CXCL13: variants seen among roughly 807,000 people sequenced by gnomAD.
CXCL13 encodes the protein C-X-C motif chemokine 13.
CXCL13 carries 7 observed loss-of-function variants against 12.2 expected under a neutral mutation model. That is an observed-to-expected ratio of 0.57 (90% CI 0.33 to 1.07). The LOEUF is 1.07. CXCL13 is among the 50% of genes least tolerant of loss of function. CXCL13 has a pLI of 0.04. For synonymous variants in CXCL13, 47 were observed against 42.4 expected, an observed-to-expected ratio of 1.11 and a Z score of -0.42; for missense variants, 113 against 127.4, an observed-to-expected ratio of 0.89 and a Z score of 0.55.
chr4:77,536,076 A>G (rs141424213), intron 1 of CXCL13, among the ~76,000 whole-genome samples: 707 of 152,198 alleles, frequency 4.6e-3, no homozygotes, highest in African/African-American at 0.016. Context: ...GGTGCTCCCC[A>G]TTGGCCAAAC....
upstream of CXCL13, among the ~76,000 whole-genome samples, chr4:77,602,931 C>G (rs1726911316): frequency 6.6e-6 from 1 of 152,148 alleles, no homozygotes; most frequent in Admixed American, 6.5e-5. Context: ...ACCTCCAGCC[C>G]CATCTTAGGG....
chr4:77,603,170 C>T (rs1434372072), upstream of CXCL13, among the ~76,000 whole-genome samples: 1 of 152,056 alleles, frequency 6.6e-6, no homozygotes, highest in African/African-American at 2.4e-5. Flanking sequence ...CATTTTTTTG[C>T]TCTCACAAGA....
intron 1 of CXCL13, among the ~76,000 whole-genome samples, chr4:77,537,035 AC>A (rs1282816242): frequency 6.6e-6 from 1 of 152,220 alleles, no homozygotes; most frequent in African/African-American, 2.4e-5. Flanking sequence ...GGTTCTATAA[AC>A]AACCTCTAGA....
At chr4:77,533,137 G>C (rs943422442) in intron 1 of CXCL13, among the ~76,000 whole-genome samples, 1 of 152,156 alleles carries the variant, frequency 6.6e-6, no homozygotes, top group Non-Finnish European at 1.5e-5. Flanking sequence ...CAGTTTTTCT[G>C]CTCTGTTTTT....
chr4:77,525,067 A>T (rs868500516), intron 1 of CXCL13, among the ~76,000 whole-genome samples: 2 of 152,192 alleles, frequency 1.3e-5, no homozygotes, highest in Non-Finnish European at 1.5e-5. Context: ...GGAGTGGGTC[A>T]GTTATCTCTA....
At chr4:77,568,304 G>A (rs1487701371) in intron 1 of CXCL13, among the ~76,000 whole-genome samples, 1 of 152,136 alleles carries the variant, frequency 6.6e-6, no homozygotes, top group Non-Finnish European at 1.5e-5. Flanking sequence ...GAGACTTCTA[G>A]CTTGATAGCC....
intron 1 of CXCL13, among the ~76,000 whole-genome samples, chr4:77,534,868 C>T (rs919960893): frequency 2.2e-4 from 34 of 152,216 alleles, no homozygotes; most frequent in Admixed American, 2.6e-4. Context: ...ATTTGTGGAA[C>T]CTTTGTTTTG....
chr4:77,568,652 C>A (rs1012265060), intron 1 of CXCL13, among the ~76,000 whole-genome samples: 1 of 152,084 alleles, frequency 6.6e-6, no homozygotes, highest in Non-Finnish European at 1.5e-5. Flanking sequence ...GTTGGCCACC[C>A]TGGAGATGCT....
intron 1 of CXCL13, among the ~76,000 whole-genome samples, chr4:77,528,333 G>A (rs566372618): frequency 6.6e-6 from 1 of 152,250 alleles, no homozygotes; most frequent in East Asian, 1.9e-4. Flanking sequence ...TCTAGTTCTA[G>A]ATCCCTGAGG....
At position 77,610,711 on chromosome 4, in the gene CXCL13, A is replaced by G. The variant is rs1237454235; in HGVS notation, c.278+17A>G. ...ATTGAGAAAGTAAGTTAGGCATAAC[A>G]AGGGGTTTCAGATTCCAACTTGTAC... On this transcript the variant is annotated intron_variant, in intron 3 of 3. Coordinates refer to ENST00000682537, the MANE Select transcript of CXCL13 (RefSeq NM_001371558.1). 1 of 1,585,700 alleles carries G rather than the reference A, an allele frequency of 6.3e-7. No homozygotes were observed. Among genetic ancestry groups the G allele is most frequent in the Non-Finnish European group, 8.7e-7 (1 of 1,154,092 alleles).
chr4:77,547,767 C>G (rs764465022), intron 1 of CXCL13, among the ~76,000 whole-genome samples: 12 of 152,118 alleles, frequency 7.9e-5, no homozygotes, highest in South Asian at 2.1e-4. Context: ...GAATTTGACC[C>G]TGTCATTATG....
At chr4:77,520,409 T>G (rs1441271295) in intron 1 of CXCL13, among the ~76,000 whole-genome samples, 1 of 152,176 alleles carries the variant, frequency 6.6e-6, no homozygotes. Context: ...GGTTTGTAGT[T>G]CTCCTTGAAG....
At chr4:77,526,667 G>A (rs777085686) in intron 1 of CXCL13, among the ~76,000 whole-genome samples, 8 of 152,138 alleles carry the variant, frequency 5.3e-5, no homozygotes, top group African/African-American at 1.9e-4. Flanking sequence ...GCCTCATGGA[G>A]CTTCCACACT....
At chr4:77,529,584 A>T (rs978605508) in intron 1 of CXCL13, among the ~76,000 whole-genome samples, 4 of 151,786 alleles carry the variant, frequency 2.6e-5, no homozygotes, top group African/African-American at 9.7e-5. Context: ...TCTGTCTGTT[A>T]TTGGTGTATA....
At chr4:77,582,560 G>A (rs1040858190) in intron 1 of CXCL13, among the ~76,000 whole-genome samples, 20 of 152,168 alleles carry the variant, frequency 1.3e-4, no homozygotes, top group African/African-American at 4.3e-4. Flanking sequence ...CGTGGGGGAA[G>A]CTTGACGTAG....
chr4:77,600,923 A>G (rs551219046), upstream of CXCL13, among the ~76,000 whole-genome samples: 5 of 152,320 alleles, frequency 3.3e-5, no homozygotes, highest in South Asian at 1.0e-3. Context: ...CAATATTTTT[A>G]AAGCAATAAG....
chr4:77,512,658 T>A (rs1724303991), intron 1 of CXCL13, among the ~76,000 whole-genome samples: 1 of 152,206 alleles, frequency 6.6e-6, no homozygotes, highest in Admixed American at 6.5e-5. Flanking sequence ...ATTGCCTCTT[T>A]AAAAACCCTG....
intron 1 of CXCL13, 61 bp downstream of exon 1, chr4:77,605,990 A>G: frequency 8.1e-7 from 1 of 1,235,132 alleles, no homozygotes; most frequent in Admixed American, 1.9e-5. Context: ...AACCACTTCA[A>G]TTTTCTTTCG....
At chr4:77,558,056 A>G (rs1372308003) in intron 1 of CXCL13, among the ~76,000 whole-genome samples, 1 of 152,234 alleles carries the variant, frequency 6.6e-6, no homozygotes, top group Non-Finnish European at 1.5e-5. Context: ...CCAAACTGCT[A>G]AATTCTCTTT....
Sources: gnomAD v4.1 joint callset for allele counts (sites outside exome capture counted in the v4.1 genomes callset) on GRCh38, gnomAD v4.1.1 for gene constraint, MANE v1.5 for transcripts, NCBI Gene and HGNC (gene_info 2026-07-23, HGNC 2026-07-21) for gene names.